Variants in ZSWIM4 observed in about 807,000 individuals in gnomAD.
The protein encoded by ZSWIM4 is zinc finger SWIM-type containing 4.
Under a neutral mutation model 102.5 loss-of-function variants are expected in ZSWIM4, and 62 were observed. That is an observed-to-expected ratio of 0.60 (90% confidence interval 0.49 to 0.75). The LOEUF (loss-of-function observed/expected upper bound fraction) is 0.75, where lower values mean the gene tolerates loss of function less well. ZSWIM4 is among the 30% of genes least tolerant of loss of function. The probability of loss-of-function intolerance (pLI) is 0.00; values close to 1 mark genes in which losing one functional copy is unlikely to be tolerated. For missense variants in ZSWIM4, 1,280 were observed against 1,529.6 expected, an observed-to-expected ratio of 0.84 and a Z score of 2.72; for synonymous variants, 652 against 674.5, an observed-to-expected ratio of 0.97 and a Z score of 0.52.
At chr19:13,830,000 C>G (rs947751582) in intron 13 of ZSWIM4, among the ~76,000 whole-genome samples, 191 bp from the exon 14 acceptor site, 1 of 152,124 alleles carries the variant, frequency 6.6e-6, no homozygotes, top group Non-Finnish European at 1.5e-5. Context: ...GAAAGAGGCT[C>G]CAAAGCTTAG....
intron 5 of ZSWIM4, among the ~76,000 whole-genome samples, chr19:13,811,114 C>A (rs28787899): frequency 0.012 from 1,792 of 146,810 alleles, 33 homozygotes; most frequent in African/African-American, 0.043. Context: ...GGGGTTTCAC[C>A]GTGTTAGCCA....
chr19:13,817,321 G>T lies in ZSWIM4; in HGVS notation c.1637G>T (p.Arg546Leu). The part of the protein sequence containing the change: ...CLCRALLEAC[R>L]LEEETLTLYP... ...TGCAGGGCGCTCCTGGAGGCCTGTC[G>T]TCTGGAGGAGGAGACACTTACCCTT... The change falls in exon 8 of 14, where the codon CGT becomes CTT. Residue 546 changes from arginine (R) to leucine (L), a missense_variant. By Grantham distance (102) the Arg-to-Leu change is moderately radical. Transcript: ENST00000590508. 1.9e-6 allele frequency: 3 copies of T among 1,613,956 alleles called. No individual in the cohort carries two copies. The highest frequency in any genetic ancestry group is 2.5e-6 in the Non-Finnish European group (3 of 1,179,882).
At chr19:13,820,572 C>T (rs1975435341) in intron 10 of ZSWIM4, among the ~76,000 whole-genome samples, 1 of 152,174 alleles carries the variant, frequency 6.6e-6, no homozygotes, top group Admixed American at 6.6e-5. Flanking sequence ...AGAATATTCA[C>T]ATGATACATG....
intron 1 of ZSWIM4, among the ~76,000 whole-genome samples, chr19:13,799,272 A>ATCTTTTTTTTTTTTTTTTTTTTTT (rs1974691698): frequency 8.4e-6 from 1 of 118,350 alleles, no homozygotes; most frequent in African/African-American, 3.7e-5. Flanking sequence ...TTATTTTTTT[A>ATCTTTTTTTTTTTTTTTTTTTTTT]TCTTTTTTTT....
At chr19:13,801,305 C>G (rs958225373) in intron 2 of ZSWIM4, among the ~76,000 whole-genome samples, 1 of 152,140 alleles carries the variant, frequency 6.6e-6, no homozygotes, top group Non-Finnish European at 1.5e-5. Context: ...TCCTAGAGCC[C>G]TAGACCTCAG....
intron 7 of ZSWIM4, 180 bp downstream of exon 7, chr19:13,815,045 C>T (rs1599601002): frequency 3.8e-6 from 1 of 264,348 alleles, no homozygotes; most frequent in Non-Finnish European, 7.3e-6. Context: ...ACCTGTAGTC[C>T]CAGCTACTCT....
chr19:13,825,445 A>T lies in ZSWIM4; in HGVS notation c.2216-105A>T. 7.4e-7 allele frequency: 1 copy of T among 1,359,772 alleles called. No homozygotes were observed. The highest frequency in any genetic ancestry group is 1.9e-4 in the Middle Eastern group (1 of 5,326). 84.2% of individuals were successfully genotyped at this position (1,359,772 alleles called of 1,614,324 possible). ...CCAGTACACATCCCTCCACACTCACACATGTGCCCCTGGGTGGAAGGATCT... is the reference window on the plus strand; with the variant it reads ...CCAGTACACATCCCTCCACACTCACTCATGTGCCCCTGGGTGGAAGGATCT... On this transcript the variant is annotated intron_variant, in intron 11 of 13. Transcript: ENST00000590508. The surrounding 1 kb of genome is among the most constrained non-coding windows in gnomAD (Gnocchi z 4.6).
At chr19:13,810,908 C>CATTT (rs1568333524) in intron 5 of ZSWIM4, among the ~76,000 whole-genome samples, 1 of 133,876 alleles carries the variant, frequency 7.5e-6, no homozygotes, top group African/African-American at 3.0e-5. Flanking sequence ...CCACGCCCAG[C>CATTT]CTTTTTTTTT....
In ZSWIM4 at chr19:13,814,691, C is replaced by A; in HGVS notation, c.1357C>A (p.Pro453Thr). The change falls in exon 7 of 14, where the codon CCC becomes ACC. Residue 453 changes from proline to threonine, a missense_variant. Physicochemically the swap from Pro to Thr is conservative, Grantham distance 38. Transcript: ENST00000590508. ...SVGGDKPTFD[P>T]QGRPLWLGEP... is the part of the protein sequence containing the mutation. ...GGGTGGGGACAAACCGACTTTCGAC[C>A]CCCAGGGCCGCCCACTGTGGCTGGG... 1 of 1,285,350 alleles carries A rather than the reference C, an allele frequency of 7.8e-7. No homozygotes were observed. The highest frequency in any genetic ancestry group is 1.0e-6 in the Non-Finnish European group (1 of 985,880). The allele number at this position is 1,285,350 out of a possible 1,614,324, so 79.6% of individuals were successfully genotyped here.
At chr19:13,808,693 C>A in intron 3 of ZSWIM4, 143 bp from the exon 4 acceptor site, 1 of 858,830 alleles carries the variant, frequency 1.2e-6, no homozygotes, top group East Asian at 2.7e-5. Context: ...GAGCGAAGAT[C>A]GTGCTACAGC....
At chr19:13,804,159 G>A (rs62124249) in intron 2 of ZSWIM4, among the ~76,000 whole-genome samples, 72,806 of 151,224 alleles carry the variant, frequency 0.48, 21,015 homozygotes, top group African/African-American at 0.82. Context: ...CCACTGCGCC[G>A]GGCTGTCTCT....
chr19:13,814,417 G>A (rs1236343680), intron 6 of ZSWIM4, 98 bp from the exon 7 acceptor site: 25 of 590,772 alleles, frequency 4.2e-5, no homozygotes, highest in Non-Finnish European at 5.8e-5. Flanking sequence ...CTTTGCCCAG[G>A]CCTAAACCCC....
intron 7 of ZSWIM4, among the ~76,000 whole-genome samples, chr19:13,816,413 C>A (rs1210597976): frequency 6.6e-6 from 1 of 152,064 alleles, no homozygotes; most frequent in Admixed American, 6.6e-5. Context: ...TGCCTGAGGT[C>A]AGGAGTTCAA....
intron 12 of ZSWIM4, among the ~76,000 whole-genome samples, chr19:13,828,416 AC>A (rs1006038455): frequency 1.3e-5 from 2 of 152,130 alleles, no homozygotes; most frequent in African/African-American, 2.4e-5. Context: ...TCAAAAAAAA[AC>A]AAAACAAAAC....
chr19:13,807,265 C>T (rs754849863), intron 3 of ZSWIM4, among the ~76,000 whole-genome samples: 9 of 150,558 alleles, frequency 6.0e-5, no homozygotes, highest in African/African-American at 9.9e-5. Context: ...GGATGATGGA[C>T]CCATGATGGG....
chr19:13,806,048 TA>T (rs769711368), intron 3 of ZSWIM4, among the ~76,000 whole-genome samples: 27 of 148,980 alleles, frequency 1.8e-4, no homozygotes, highest in African/African-American at 3.0e-4. Context: ...GGGTGGGGGA[TA>T]TTTTTTTTTT....
At chr19:13,822,259 A>G (rs888880549) in intron 10 of ZSWIM4, among the ~76,000 whole-genome samples, 2 of 152,108 alleles carry the variant, frequency 1.3e-5, no homozygotes, top group African/African-American at 4.8e-5. Flanking sequence ...AAGAGCCAAG[A>G]TTTAGACAAC....
intron 13 of ZSWIM4, among the ~76,000 whole-genome samples, chr19:13,829,053 A>G (rs1416946264): frequency 2.6e-5 from 4 of 151,762 alleles, no homozygotes; most frequent in Non-Finnish European, 4.4e-5. Context: ...ACAGTTAGCC[A>G]TGATCATACC....
At chr19:13,826,680 G>T (rs1035425155) in intron 12 of ZSWIM4, among the ~76,000 whole-genome samples, 44 of 152,074 alleles carry the variant, frequency 2.9e-4, no homozygotes, top group Admixed American at 2.7e-3. Context: ...CAAGAGAATC[G>T]CTTGAACCCA....
Sources: allele counts gnomAD v4.1 joint callset (sites outside exome capture counted in the v4.1 genomes callset), GRCh38; gene constraint gnomAD v4.1.1; non-coding constraint Gnocchi (gnomAD v3.1); transcripts MANE v1.5; gene names NCBI Gene and HGNC (gene_info 2026-07-23, HGNC 2026-07-21).